The following THRB variants were observed in gnomAD, a reference collection of about 807,000 sequenced individuals.
THRB encodes the protein thyroid hormone receptor beta.
Under a neutral mutation model 47.8 loss-of-function variants are expected in THRB, and 12 were observed. The ratio of observed to expected loss-of-function variants is 0.25; its 90% CI spans 0.16 to 0.41. The LOEUF (loss-of-function observed/expected upper bound fraction) is 0.41, where lower values mean the gene tolerates loss of function less well. Among genes scored for constraint, THRB ranks in the 10% least tolerant of loss-of-function variants. THRB has a pLI of 1.00. For missense variants in THRB, 348 were observed against 589.2 expected (o/e 0.59, Z 4.24); for synonymous variants, 218 against 212.2 (o/e 1.03, Z -0.24).
intron 1 of THRB, among the ~76,000 whole-genome samples, chr3:24,474,432 T>A (rs1276789964): frequency 1.3e-5 from 2 of 152,170 alleles, no homozygotes; most frequent in South Asian, 4.1e-4. Flanking sequence ...AATCACAGTA[T>A]TTTTTACTGC....
chr3:24,272,371 CA>C lies in THRB; in HGVS notation c.-43+24854del, dbSNP rs368724479. 2.7e-4 allele frequency among the ~76,000 whole-genome samples: 29 copies of C among 107,166 alleles called. 1 individual carries two copies. Among genetic ancestry groups the C allele is most frequent in the East Asian group, 2.5e-3 (8 of 3,230 alleles). 70.3% of individuals were successfully genotyped at this position (107,166 alleles called of 152,430 possible). On this transcript the variant is annotated intron_variant, in intron 3 of 10. Coordinates refer to ENST00000646209, the MANE Select transcript of THRB (RefSeq NM_001354712.2). Reference sequence around the variant, plus strand: ...AAAACAACAACAACAACAACAACAACAAACAAAAACAAACAAACAAACAAAA... The same window carrying C: ...AAAACAACAACAACAACAACAACAACAACAAAAACAAACAAACAAACAAAA...
intron 1 of THRB, among the ~76,000 whole-genome samples, chr3:24,485,521 C>T (rs1697161966): frequency 6.6e-6 from 1 of 152,140 alleles, no homozygotes; most frequent in South Asian, 2.1e-4. Context: ...CAAGACCTAT[C>T]CCAAAGAACT....
rs549522240 is a variant in THRB, at chr3:24,178,441, T to G, written c.283+11633A>C. 3.3e-5 allele frequency among the ~76,000 whole-genome samples: 5 copies of G among 152,250 alleles called. No homozygotes were observed. The East Asian group carries it at 9.7e-4, about 29-fold the overall frequency. On this transcript the variant is annotated intron_variant, in intron 5 of 10. Transcript: ENST00000646209. ...AGGAGTTCAGGGCTGCAGTGAGCTATTAGCTCACCACTGCACTCCAGCTTG... is the reference window on the plus strand; with the variant it reads ...AGGAGTTCAGGGCTGCAGTGAGCTAGTAGCTCACCACTGCACTCCAGCTTG...
chr3:24,440,968 G>A (rs1300148549), intron 1 of THRB, among the ~76,000 whole-genome samples: 1 of 152,184 alleles, frequency 6.6e-6, no homozygotes, highest in Non-Finnish European at 1.5e-5. Flanking sequence ...CCTTTGTTCA[G>A]GATCTCACCA....
chr3:24,418,878 C>G (rs1301550884), intron 1 of THRB, among the ~76,000 whole-genome samples: 2 of 151,962 alleles, frequency 1.3e-5, no homozygotes, highest in Non-Finnish European at 2.9e-5. Flanking sequence ...TTAACACTTA[C>G]AGTAATGGCT....
chr3:24,477,749 A>G (rs1402948529), intron 1 of THRB, among the ~76,000 whole-genome samples: 1 of 151,852 alleles, frequency 6.6e-6, no homozygotes, highest in African/African-American at 2.4e-5. Flanking sequence ...GGGTCAGTAG[A>G]TCTCTCAGTG....
intron 2 of THRB, among the ~76,000 whole-genome samples, chr3:24,331,731 G>A (rs565168204): frequency 8.6e-5 from 13 of 151,840 alleles, no homozygotes; most frequent in African/African-American, 3.1e-4. Flanking sequence ...GTTTTGGATG[G>A]CAGCTAATGA....
intron 5 of THRB, among the ~76,000 whole-genome samples, chr3:24,157,561 C>T (rs1460299773): frequency 1.3e-5 from 2 of 152,188 alleles, no homozygotes; most frequent in African/African-American, 4.8e-5. Context: ...CAGGGACTCA[C>T]TTCTGTCACC....
At chr3:24,320,218 G>T (rs757043244) in intron 2 of THRB, among the ~76,000 whole-genome samples, 1 of 152,214 alleles carries the variant, frequency 6.6e-6, no homozygotes, top group African/African-American at 2.4e-5. Context: ...AAGATGATCA[G>T]AAATCTCAAA....
chr3:24,232,730 G>A (rs1208331510), intron 3 of THRB, among the ~76,000 whole-genome samples: 1 of 152,150 alleles, frequency 6.6e-6, no homozygotes, highest in African/African-American at 2.4e-5. Context: ...GGCCACGGCA[G>A]GTCCAGAATA....
intron 2 of THRB, among the ~76,000 whole-genome samples, chr3:24,315,500 C>CG (rs1433442870): frequency 1.3e-5 from 2 of 152,296 alleles, no homozygotes; most frequent in South Asian, 2.1e-4. Flanking sequence ...TGCCACATAA[C>CG]GCACCCAGGC....
At chr3:24,337,947 A>G (rs2062372247) in intron 1 of THRB, among the ~76,000 whole-genome samples, 1 of 152,232 alleles carries the variant, frequency 6.6e-6, no homozygotes. Context: ...TCTCCCAGGT[A>G]CAAACAAGAT....
chr3:24,161,666 A>G, intron 5 of THRB, among the ~76,000 whole-genome samples: 1 of 151,310 alleles, frequency 6.6e-6, no homozygotes, highest in East Asian at 1.9e-4. Context: ...ACAGAATTCT[A>G]TCTCCAAGTC....
At chr3:24,202,560 G>C (rs1439627906) in intron 4 of THRB, among the ~76,000 whole-genome samples, 1 of 152,104 alleles carries the variant, frequency 6.6e-6, no homozygotes, top group Non-Finnish European at 1.5e-5. Context: ...AAGCAACCAA[G>C]GTCATGAAGA....
At chr3:24,469,220 A>G (rs111346675) in intron 1 of THRB, among the ~76,000 whole-genome samples, 62 of 152,350 alleles carry the variant, frequency 4.1e-4, no homozygotes, top group African/African-American at 1.4e-3. Context: ...TTGCCTATCA[A>G]AACATCTATT....
chr3:24,308,614 A>G (rs2149175873), intron 2 of THRB, among the ~76,000 whole-genome samples: 1 of 152,338 alleles, frequency 6.6e-6, no homozygotes, highest in African/African-American at 2.4e-5. Flanking sequence ...TTTTATTAAG[A>G]GGTAGATTGC....
At chr3:24,458,841 C>A (rs1284613202) in intron 1 of THRB, 1 of 151,830 alleles carries the variant, frequency 6.6e-6, no homozygotes, top group Non-Finnish European at 1.5e-5. Context: ...TGTAGGATGG[C>A]CTTCACCTTC....
intron 2 of THRB, among the ~76,000 whole-genome samples, chr3:24,302,416 T>C (rs1164206444): frequency 6.6e-6 from 1 of 152,246 alleles, no homozygotes; most frequent in Non-Finnish European, 1.5e-5. Context: ...TTATTAAGTC[T>C]TTTAAAATTT....
intron 3 of THRB, among the ~76,000 whole-genome samples, chr3:24,252,298 A>G (rs1236162952): frequency 1.4e-4 from 22 of 152,134 alleles, no homozygotes; most frequent in Admixed American, 1.4e-3. Context: ...TAGCAGATCA[A>G]TGGAGCAGGA....
Sources: gnomAD v4.1 joint callset for allele counts (sites outside exome capture counted in the v4.1 genomes callset) on GRCh38, gnomAD v4.1.1 for gene constraint, MANE v1.5 for transcripts, NCBI Gene and HGNC (gene_info 2026-07-23, HGNC 2026-07-21) for gene names.